The following ESRRG variants were observed in gnomAD, a reference collection of about 807,000 sequenced individuals.
ESRRG encodes estrogen-related receptor gamma.
In ESRRG, 13 loss-of-function variants were observed where a neutral mutation model predicts 44.0. The ratio of observed to expected loss-of-function variants is 0.30; its 90% CI spans 0.19 to 0.47. The LOEUF is 0.47. Ranked by LOEUF, ESRRG falls within the 20% of genes least tolerant of loss-of-function variation. The pLI, the probability that ESRRG is intolerant of heterozygous loss-of-function variation, is 1.00. For synonymous variants in ESRRG, 215 were observed against 214.6 expected, an observed-to-expected ratio of 1.00 and a Z score of -0.02; for missense variants, 395 against 580.6, an observed-to-expected ratio of 0.68 and a Z score of 3.29.
At chr1:216,779,275 AT>A (rs1424744613) in intron 2 of ESRRG, among the ~76,000 whole-genome samples, 3 of 36,364 alleles carry the variant, frequency 8.2e-5, no homozygotes, top group African/African-American at 5.8e-4. Context: ...ATATATTTAT[AT>A]TTATAAACAT....
intron 6 of ESRRG, among the ~76,000 whole-genome samples, chr1:216,512,659 A>C (rs1297242861): frequency 2.6e-5 from 4 of 152,134 alleles, no homozygotes; most frequent in Non-Finnish European, 4.4e-5. Flanking sequence ...TACAAGTTTT[A>C]TTCTTGACCT....
chr1:216,944,598 A>C (rs1291044722), intron 1 of ESRRG, among the ~76,000 whole-genome samples: 1 of 152,130 alleles, frequency 6.6e-6, no homozygotes, highest in African/African-American at 2.4e-5. Context: ...ATGTTGATGA[A>C]GATCTTGGTG....
At chr1:216,863,243 T>G (rs2096083775) in intron 2 of ESRRG, 1 of 152,112 alleles carries the variant, frequency 6.6e-6, no homozygotes, top group Non-Finnish European at 1.5e-5. Context: ...GACCACACTT[T>G]TAGAATCACT....
chr1:216,660,325 C>T (rs947725131), intron 2 of ESRRG, among the ~76,000 whole-genome samples: 2 of 152,126 alleles, frequency 1.3e-5, no homozygotes, highest in African/African-American at 4.8e-5. Flanking sequence ...GATATCAATA[C>T]CTAAGAACAG....
intron 2 of ESRRG, among the ~76,000 whole-genome samples, chr1:216,779,544 ATATATAAT>A (rs2093842814): frequency 9.7e-6 from 1 of 102,670 alleles, no homozygotes; most frequent in African/African-American, 3.9e-5. Context: ...TTATATTTAT[ATATATAAT>A]TATATATTAT....
chr1:216,761,233 T>A (rs185508371), intron 2 of ESRRG, among the ~76,000 whole-genome samples: 70 of 150,340 alleles, frequency 4.7e-4, no homozygotes, highest in Admixed American at 3.7e-3. Flanking sequence ...CCTTTTTTTT[T>A]ATCAATTCCT....
intron 5 of ESRRG, among the ~76,000 whole-genome samples, chr1:216,551,000 T>G (rs1035232883): frequency 6.6e-6 from 1 of 152,162 alleles, no homozygotes; most frequent in African/African-American, 2.4e-5. Flanking sequence ...GCTGAAATAC[T>G]AGGCCAGGAG....
intron 1 of ESRRG, among the ~76,000 whole-genome samples, chr1:216,995,591 C>T (rs780240593): frequency 1.3e-5 from 2 of 152,216 alleles, no homozygotes; most frequent in Admixed American, 6.5e-5. Context: ...CTCAACCTAG[C>T]TGTCATTTCT....
At chr1:216,706,103 T>G (rs964059222) in intron 1 of ESRRG, among the ~76,000 whole-genome samples, 2 of 152,182 alleles carry the variant, frequency 1.3e-5, no homozygotes, top group Non-Finnish European at 2.9e-5. Context: ...GCTTTGTTAG[T>G]GAGTTTGTCT....
intron 5 of ESRRG, among the ~76,000 whole-genome samples, chr1:216,530,723 T>C (rs943541037): frequency 6.6e-6 from 1 of 152,178 alleles, no homozygotes; most frequent in African/African-American, 2.4e-5. Context: ...AATTCTATCT[T>C]GGATCCCTAA....
chr1:217,106,156 CAGTAGTCTCTA>C (rs2151576586), intron 1 of ESRRG, among the ~76,000 whole-genome samples: 1 of 152,256 alleles, frequency 6.6e-6, no homozygotes, highest in East Asian at 1.9e-4. Flanking sequence ...TCTTTAAATG[CAGTAGTCTCTA>C]AGTGATAGAT....
At chr1:216,558,599 T>C (rs1209248121) in intron 5 of ESRRG, among the ~76,000 whole-genome samples, 1 of 152,168 alleles carries the variant, frequency 6.6e-6, no homozygotes, top group Non-Finnish European at 1.5e-5. Flanking sequence ...ATTTAGATCA[T>C]GCTTTATAAT....
At chr1:216,700,103 A>T (rs1034858116) in intron 1 of ESRRG, among the ~76,000 whole-genome samples, 2 of 141,842 alleles carry the variant, frequency 1.4e-5, no homozygotes, top group African/African-American at 5.2e-5. Context: ...TGCTTCTATT[A>T]TACTCCCCGC....
chr1:216,508,773 G>A (rs977577000), intron 6 of ESRRG, among the ~76,000 whole-genome samples: 3 of 152,030 alleles, frequency 2.0e-5, no homozygotes, highest in African/African-American at 4.8e-5. Context: ...CTCTATTTTT[G>A]CACTTAAATG....
chr1:216,844,041 A>G (rs2095697246), intron 2 of ESRRG, among the ~76,000 whole-genome samples: 2 of 152,154 alleles, frequency 1.3e-5, no homozygotes, highest in South Asian at 4.1e-4. Flanking sequence ...CAGCACTTAG[A>G]CAATGAAAAT....
chr1:216,712,210 C>T (rs2083764648), intron 1 of ESRRG, among the ~76,000 whole-genome samples: 1 of 152,148 alleles, frequency 6.6e-6, no homozygotes, highest in Non-Finnish European at 1.5e-5. Flanking sequence ...CATGTAAGAA[C>T]ATTTACGTAT....
intron 1 of ESRRG, among the ~76,000 whole-genome samples, chr1:216,994,158 A>G (rs2076071393): frequency 1.3e-5 from 2 of 152,238 alleles, no homozygotes; most frequent in Admixed American, 1.3e-4. Flanking sequence ...AAAGTAGATT[A>G]CATGTCTCAG....
intron 2 of ESRRG, among the ~76,000 whole-genome samples, chr1:216,827,303 C>T (rs1159644015): frequency 6.6e-6 from 1 of 152,192 alleles, no homozygotes; most frequent in African/African-American, 2.4e-5. Flanking sequence ...TGTATTAAGA[C>T]ACTCACCTTA....
At chr1:217,100,044 T>C (rs2151565742) in intron 1 of ESRRG, among the ~76,000 whole-genome samples, 1 of 152,296 alleles carries the variant, frequency 6.6e-6, no homozygotes, top group South Asian at 2.1e-4. Context: ...TGGTATTTAT[T>C]AAACACACTA....
Sources: gnomAD v4.1 joint callset for allele counts (sites outside exome capture counted in the v4.1 genomes callset) on GRCh38, gnomAD v4.1.1 for gene constraint, MANE v1.5 for transcripts, NCBI Gene and HGNC (gene_info 2026-07-23, HGNC 2026-07-21) for gene names.